The following PTPRG variants were observed in gnomAD, a reference collection of about 807,000 sequenced individuals.
The protein encoded by PTPRG is protein tyrosine phosphatase receptor type G, also known as receptor-type tyrosine-protein phosphatase gamma.
A neutral mutation model predicts 165.3 loss-of-function variants in PTPRG; 102 were observed. The ratio of observed to expected loss-of-function variants is 0.62; its 90% confidence interval spans 0.53 to 0.73. The LOEUF (loss-of-function observed/expected upper bound fraction) is 0.73. Among genes scored for constraint, PTPRG ranks in the 30% least tolerant of loss-of-function variants. PTPRG has a pLI of 0.00. For missense variants in PTPRG, 1,866 were observed against 1,861.4 expected, an observed-to-expected ratio of 1.00 and a Z score of -0.05; for synonymous variants, 675 against 669.5, an observed-to-expected ratio of 1.01 and a Z score of -0.13.
At chr3:61,872,065 C>T (rs1401474848) in intron 2 of PTPRG, among the ~76,000 whole-genome samples, 4 of 152,300 alleles carry the variant, frequency 2.6e-5, no homozygotes, top group Non-Finnish European at 2.9e-5. Flanking sequence ...ATTCCATTGA[C>T]TGTTGAAATC....
At chr3:61,738,287 T>TGTATATATACAC (rs2032816805) in intron 1 of PTPRG, among the ~76,000 whole-genome samples, 1 of 69,116 alleles carries the variant, frequency 1.4e-5, no homozygotes, top group East Asian at 3.7e-4. Context: ...TACATATATA[T>TGTATATATACAC]ATATATATAT....
At chr3:61,773,251 A>G (rs2034266642) in intron 2 of PTPRG, among the ~76,000 whole-genome samples, 1 of 152,190 alleles carries the variant, frequency 6.6e-6, no homozygotes, top group Admixed American at 6.5e-5. Flanking sequence ...AGACCATACA[A>G]TGATAGTTAA....
At chr3:61,949,186 C>A (rs909693046) in intron 2 of PTPRG, among the ~76,000 whole-genome samples, 3 of 151,770 alleles carry the variant, frequency 2.0e-5, no homozygotes, top group South Asian at 2.1e-4. Flanking sequence ...CTCAAAAAAA[C>A]CAAATCAACC....
At chr3:61,567,867 C>G (rs1414180856) in intron 1 of PTPRG, among the ~76,000 whole-genome samples, 1 of 149,880 alleles carries the variant, frequency 6.7e-6, no homozygotes, top group Non-Finnish European at 1.5e-5. Context: ...GCCTGTAGTT[C>G]CAGCTACTCC....
chr3:61,569,282 A>G (rs1345446636), intron 1 of PTPRG, among the ~76,000 whole-genome samples: 2 of 152,196 alleles, frequency 1.3e-5, no homozygotes, highest in African/African-American at 4.8e-5. Context: ...TACCTGTGCC[A>G]TTGCTAGCCG....
chr3:61,647,791 C>A (rs1310863020), intron 1 of PTPRG, among the ~76,000 whole-genome samples: 51 of 93,152 alleles, frequency 5.5e-4, no homozygotes, highest in African/African-American at 1.2e-3. Flanking sequence ...GACTCCGTCT[C>A]AAAAAAAAAA....
At chr3:61,654,538 C>T (rs1334722305) in intron 1 of PTPRG, among the ~76,000 whole-genome samples, 1 of 151,836 alleles carries the variant, frequency 6.6e-6, no homozygotes, top group Non-Finnish European at 1.5e-5. Context: ...GCATGTGCCA[C>T]CATGCTCAGC....
chr3:62,007,510 T>C (rs1242642371), intron 4 of PTPRG, among the ~76,000 whole-genome samples: 1 of 152,218 alleles, frequency 6.6e-6, no homozygotes, highest in African/African-American at 2.4e-5. Context: ...GATCCTCAGA[T>C]GCCCTCACCT....
chr3:61,988,395 A>G (rs1240055847), intron 2 of PTPRG, among the ~76,000 whole-genome samples: 2 of 152,148 alleles, frequency 1.3e-5, no homozygotes, highest in Non-Finnish European at 2.9e-5. Context: ...GGGGAAAGCC[A>G]TGGCAAATGA....
At chr3:61,774,415 T>C (rs989832409) in intron 2 of PTPRG, among the ~76,000 whole-genome samples, 1 of 152,186 alleles carries the variant, frequency 6.6e-6, no homozygotes, top group Non-Finnish European at 1.5e-5. Flanking sequence ...AATTTGGCTG[T>C]CTTATATATA....
At chr3:61,933,258 G>A (rs987526350) in intron 2 of PTPRG, among the ~76,000 whole-genome samples, 7 of 152,206 alleles carry the variant, frequency 4.6e-5, no homozygotes, top group African/African-American at 1.7e-4. Context: ...GAATCAAAAT[G>A]ATGCTGAGAT....
intron 1 of PTPRG, among the ~76,000 whole-genome samples, chr3:61,655,493 T>A (rs1575567631): frequency 6.6e-6 from 1 of 152,178 alleles, no homozygotes; most frequent in Admixed American, 6.5e-5. Flanking sequence ...AATTGACACA[T>A]CTCAGTCAAG....
intron 2 of PTPRG, among the ~76,000 whole-genome samples, chr3:61,820,936 G>C (rs762133950): frequency 3.3e-5 from 5 of 151,742 alleles, no homozygotes; most frequent in Non-Finnish European, 7.4e-5. Flanking sequence ...GAACATTTAT[G>C]GATTTTTTTT....
chr3:62,280,346 T>C (rs1388437030), intron 26 of PTPRG, among the ~76,000 whole-genome samples: 1 of 151,994 alleles, frequency 6.6e-6, no homozygotes, highest in African/African-American at 2.4e-5. Context: ...AGGGTTAATA[T>C]ACAAAATTTG....
chr3:61,734,388 C>G (rs1429228231), intron 1 of PTPRG, among the ~76,000 whole-genome samples: 1 of 152,160 alleles, frequency 6.6e-6, no homozygotes, highest in Non-Finnish European at 1.5e-5. Context: ...CTAATACCAT[C>G]TATTTCTCTC....
chr3:61,720,289 A>G (rs1025025718), intron 1 of PTPRG, among the ~76,000 whole-genome samples: 2 of 151,932 alleles, frequency 1.3e-5, no homozygotes, highest in Non-Finnish European at 2.9e-5. Context: ...ACGTCCAGCT[A>G]ATTTTTGTAT....
At position 62,203,321 on chromosome 3, in the gene PTPRG, C is replaced by A; in HGVS notation, c.1526C>A (p.Ser509Ter). 1 of 1,613,978 alleles carries A rather than the reference C, an allele frequency of 6.2e-7. No homozygotes were observed. Among genetic ancestry groups the A allele is most frequent in the Non-Finnish European group, 8.5e-7 (1 of 1,180,018 alleles). ...AGTGGCAGCCAGGCCACAGTGGCCT[C>A]GGTGGTCACCAGCACGCTGCTCGCC... ...SSSGSQATVA[S>*]VVTSTLLAGL... The change falls in exon 12 of 30, where the codon TCG (serine) becomes TAG (stop). Residue 509 changes from serine to a stop codon, truncating the protein, a stop_gained. Transcript: ENST00000474889. LOFTEE classifies it high-confidence loss of function. This position sits in a 1 kb window ranked among gnomAD's most constrained non-coding sequence, Gnocchi z 6.4.
chr3:61,832,090 A>G (rs902317919), intron 2 of PTPRG, among the ~76,000 whole-genome samples: 1 of 152,240 alleles, frequency 6.6e-6, no homozygotes, highest in African/African-American at 2.4e-5. Flanking sequence ...TATATCTGCC[A>G]AAATAAGTGT....
In PTPRG at chr3:61,766,919, C is replaced by G. The variant is rs1338819101; in HGVS notation, c.190+17937C>G. Reference sequence around the variant, plus strand: ...ACAGGCATGAGCCATCGCGCCCAGCCCAGCCATTGATTATTAAACATGTTA... The same window carrying G: ...ACAGGCATGAGCCATCGCGCCCAGCGCAGCCATTGATTATTAAACATGTTA... On this transcript the variant is annotated intron_variant, in intron 2 of 29. Transcript: ENST00000474889. 2.0e-5 allele frequency among the ~76,000 whole-genome samples: 3 copies of G among 151,708 alleles called. No individual in the cohort carries two copies. In the East Asian group the frequency reaches 5.9e-4, roughly 30 times the overall value.
Sources: allele counts gnomAD v4.1 joint callset (sites outside exome capture counted in the v4.1 genomes callset), GRCh38; gene constraint gnomAD v4.1.1; non-coding constraint Gnocchi (gnomAD v3.1); transcripts MANE v1.5; gene names NCBI Gene and HGNC (gene_info 2026-07-23, HGNC 2026-07-21).